The following FGD4 variants were observed in gnomAD, a reference collection of about 807,000 sequenced individuals.
FGD4 encodes FYVE, RhoGEF and PH domain-containing protein 4.
FGD4 carries 42 observed loss-of-function variants against 102.0 expected under a neutral mutation model. That is an observed-to-expected ratio of 0.41 (90% CI 0.32 to 0.53). The LOEUF (loss-of-function observed/expected upper bound fraction) is 0.53. Ranked by LOEUF, FGD4 falls within the 20% of genes least tolerant of loss-of-function variation. The pLI is 0.21. For missense variants in FGD4, 902 were observed against 1,078.2 expected (o/e 0.84, Z 2.29); for synonymous variants, 380 against 375.7 (o/e 1.01, Z -0.13).
intron 2 of FGD4, among the ~76,000 whole-genome samples, chr12:32,564,818 C>A (rs1271848801): frequency 1.3e-5 from 2 of 152,074 alleles, no homozygotes; most frequent in East Asian, 3.9e-4. Context: ...AAGAAAAAGC[C>A]ATAATGGTAG....
intron 10 of FGD4, among the ~76,000 whole-genome samples, chr12:32,613,215 G>A (rs1949253556): frequency 6.6e-6 from 1 of 152,152 alleles, no homozygotes; most frequent in South Asian, 2.1e-4. Flanking sequence ...CATAGCATGA[G>A]TTGTCATGGG....
chr12:32,514,323 A>G (rs1407495973), intron 1 of FGD4, among the ~76,000 whole-genome samples: 2 of 152,222 alleles, frequency 1.3e-5, no homozygotes, highest in Non-Finnish European at 2.9e-5. Context: ...AAATGTAAGA[A>G]GGAAGTATTT....
At chr12:32,511,450 C>T (rs1939360769) in intron 1 of FGD4, among the ~76,000 whole-genome samples, 1 of 152,058 alleles carries the variant, frequency 6.6e-6, no homozygotes, top group Non-Finnish European at 1.5e-5. Context: ...CAGGTGCCCA[C>T]CACCACGCCC....
chr12:32,453,274 C>G (rs1356304057), intron 1 of FGD4, among the ~76,000 whole-genome samples: 3 of 141,616 alleles, frequency 2.1e-5, no homozygotes, highest in African/African-American at 7.8e-5. Context: ...CACTCTGTTG[C>G]CCAGGCTGGA....
intron 1 of FGD4, among the ~76,000 whole-genome samples, chr12:32,561,069 G>GTTTTT (rs1565841408): frequency 7.9e-4 from 73 of 92,002 alleles, no homozygotes; most frequent in South Asian, 1.9e-3. Context: ...TTCTTTGTTG[G>GTTTTT]GTTTTGTTTT....
intron 10 of FGD4, among the ~76,000 whole-genome samples, chr12:32,618,456 C>CT (rs1167265068): frequency 6.6e-6 from 1 of 151,788 alleles, no homozygotes; most frequent in East Asian, 1.9e-4. Context: ...CCTTTTGGAG[C>CT]TTTTTTTCAC....
At chr12:32,630,255 T>C (rs1950420553) in intron 14 of FGD4, among the ~76,000 whole-genome samples, 2 of 152,246 alleles carry the variant, frequency 1.3e-5, no homozygotes, top group Non-Finnish European at 2.9e-5. Context: ...AGTCGTATTA[T>C]AGCAAAATTC....
chr12:32,611,965 G>A (rs73083459), intron 10 of FGD4, among the ~76,000 whole-genome samples: 12,650 of 152,282 alleles, frequency 0.083, 695 homozygotes, highest in Middle Eastern at 0.19. Flanking sequence ...GCCTCTCCCC[G>A]CTCCCAATGC....
At position 32,582,129 on chromosome 12, in the gene FGD4, T is replaced by G. The variant is rs764177133; in HGVS notation, c.673T>G (p.Cys225Gly). 6.2e-7 allele frequency: 1 copy of G among 1,614,078 alleles called. No homozygotes were observed. ...AGATAAGACTCAGGGTGCACAGACT[T>G]GTGTGGCCAACGGTGTAATGGCAGC... ...DTDKTQGAQT[C>G]VANGVMAAQN... The change falls in exon 4 of 17, where the codon TGT becomes GGT. Residue 225 changes from cysteine (C) to glycine (G), a missense_variant. By Grantham distance (159) the Cys-to-Gly change is radical. Around this residue, in one of 2 missense-constraint regions of FGD4, gnomAD observed 443 missense variants for 459.2 expected, o/e 0.96. Transcript: ENST00000534526.
chr12:32,618,214 C>A (rs1423602250), intron 10 of FGD4, among the ~76,000 whole-genome samples: 2 of 152,232 alleles, frequency 1.3e-5, no homozygotes, highest in African/African-American at 4.8e-5. Context: ...TTATGCCATA[C>A]CATTACATTT....
chr12:32,478,915 T>A (rs1380804983), intron 1 of FGD4, among the ~76,000 whole-genome samples: 1 of 152,192 alleles, frequency 6.6e-6, no homozygotes, highest in Non-Finnish European at 1.5e-5. Context: ...AGTGTCAAAC[T>A]TCCATGGCAC....
intron 1 of FGD4, among the ~76,000 whole-genome samples, chr12:32,432,858 C>A (rs911415037): frequency 6.6e-6 from 1 of 152,054 alleles, no homozygotes; most frequent in Admixed American, 6.6e-5. Context: ...TGACTGAAAT[C>A]CTGTTGAGTG....
At chr12:32,421,283 T>C (rs325417) in intron 1 of FGD4, among the ~76,000 whole-genome samples, 63,888 of 152,064 alleles carry the variant, frequency 0.42, 14,478 homozygotes, top group African/African-American at 0.59. Context: ...TCTACACCAT[T>C]CATATACTCG....
chr12:32,570,360 C>T (rs1395043493), intron 2 of FGD4, among the ~76,000 whole-genome samples: 1 of 150,974 alleles, frequency 6.6e-6, no homozygotes. Flanking sequence ...TGAGGGTGAA[C>T]ACCATTTTTC....
chr12:32,458,865 T>G (rs1943021574), intron 1 of FGD4, among the ~76,000 whole-genome samples: 1 of 152,260 alleles, frequency 6.6e-6, no homozygotes. Flanking sequence ...TCACCCATTC[T>G]GTAGGGATAC....
chr12:32,403,646 GA>G (rs1940787506), intron 1 of FGD4, among the ~76,000 whole-genome samples: 1 of 147,920 alleles, frequency 6.8e-6, no homozygotes, highest in African/African-American at 2.5e-5. Context: ...CGCCAGGCTG[GA>G]GTGCAGTGGT....
chr12:32,405,352 C>G (rs1221855388), intron 1 of FGD4, among the ~76,000 whole-genome samples: 1 of 151,352 alleles, frequency 6.6e-6, no homozygotes, highest in African/African-American at 2.4e-5. Flanking sequence ...CTCCGCCTCC[C>G]GGGTTCAAGC....
chr12:32,484,497 G>A (rs974080566), intron 1 of FGD4, among the ~76,000 whole-genome samples: 3 of 152,186 alleles, frequency 2.0e-5, no homozygotes, highest in Non-Finnish European at 4.4e-5. Context: ...AGGGACATTT[G>A]TGTTATGTAA....
intron 1 of FGD4, among the ~76,000 whole-genome samples, chr12:32,431,145 A>T (rs939838202): frequency 3.9e-5 from 6 of 152,236 alleles, no homozygotes; most frequent in Non-Finnish European, 8.8e-5. Flanking sequence ...ATTAAAAATC[A>T]TATAACTCCC....
Sources: allele counts gnomAD v4.1 joint callset (sites outside exome capture counted in the v4.1 genomes callset), GRCh38; gene constraint gnomAD v4.1.1; regional missense constraint gnomAD v4.1.1; transcripts MANE v1.5; gene names NCBI Gene and HGNC (gene_info 2026-07-23, HGNC 2026-07-21).